Variants in CNTN4 observed in about 807,000 individuals in gnomAD.
CNTN4 encodes the protein contactin-4.
CNTN4 carries 77 observed loss-of-function variants against 122.5 expected under a neutral mutation model. That is an observed-to-expected ratio of 0.63 (90% confidence interval 0.52 to 0.76). CNTN4 has a LOEUF of 0.76. Among genes scored for constraint, CNTN4 ranks in the 30% least tolerant of loss-of-function variants. CNTN4 has a pLI of 0.00. For missense variants in CNTN4, 1,256 were observed against 1,259.1 expected (o/e 1.00, Z 0.04); for synonymous variants, 512 against 447.0 (o/e 1.15, Z -1.83).
chr3:2,870,965 C>T (rs2150876152), intron 8 of CNTN4, among the ~76,000 whole-genome samples: 1 of 152,242 alleles, frequency 6.6e-6, no homozygotes. Context: ...TGACCATTTA[C>T]CACTCACCCG....
chr3:2,942,413 G>C lies in CNTN4; in HGVS notation c.1358+16634G>C, dbSNP rs530668464. ...AGAAACATAATTAGTTATAATTATCGTGTTTATAAAATTAAAAACAATTGT... is the reference window on the plus strand; with the variant it reads ...AGAAACATAATTAGTTATAATTATCCTGTTTATAAAATTAAAAACAATTGT... On this transcript the variant is annotated intron_variant, in intron 13 of 24. Transcript: ENST00000418658. Among the ~76,000 whole-genome samples the C allele has an allele frequency of 2.0e-5, 3 of 152,148 alleles. No individual in the cohort carries two copies. The South Asian group carries it at 6.2e-4, about 32-fold the overall frequency.
At chr3:2,628,882 T>C (rs1285618322) in intron 4 of CNTN4, among the ~76,000 whole-genome samples, 4 of 152,210 alleles carry the variant, frequency 2.6e-5, no homozygotes, top group Non-Finnish European at 5.9e-5. Context: ...TTTTTGTTTG[T>C]TTTTTACTCA....
At chr3:2,529,061 G>T (rs2077502261) in intron 3 of CNTN4, among the ~76,000 whole-genome samples, 3 of 152,054 alleles carry the variant, frequency 2.0e-5, no homozygotes, top group Admixed American at 2.0e-4. Flanking sequence ...TATCCTATCT[G>T]CCTAGAATTT....
At position 2,478,396 on chromosome 3, in the gene CNTN4, C is replaced by T. The variant is rs576269741; in HGVS notation, c.-88-93020C>T. ...GTTCCGTGATACATAGTTGTCTTTT[C>T]TTTATCTGTTTGTTTTTTTTTTTTA... On this transcript the variant is annotated intron_variant, in intron 3 of 24. Transcript: ENST00000418658. Among the ~76,000 whole-genome samples the T allele has an allele frequency of 2.2e-3, 244 of 111,486 alleles. 1 individual carries two copies. The highest frequency in any genetic ancestry group is 8.3e-3 in the African/African-American group (239 of 28,676). The allele number at this position is 111,486 out of a possible 152,430, so 73.1% of individuals were successfully genotyped here. A position where few individuals can be genotyped will look rare whatever the true frequency, so the allele number is the denominator to read the frequency against.
At chr3:2,727,294 T>A (rs1450903743) in intron 4 of CNTN4, among the ~76,000 whole-genome samples, 1 of 152,230 alleles carries the variant, frequency 6.6e-6, no homozygotes, top group Non-Finnish European at 1.5e-5. Context: ...TCAAACGCAT[T>A]TCTAATTCTG....
At chr3:2,657,733 A>G (rs2083659495) in intron 4 of CNTN4, among the ~76,000 whole-genome samples, 1 of 152,140 alleles carries the variant, frequency 6.6e-6, no homozygotes, top group African/African-American at 2.4e-5. Context: ...AAAATGGCAT[A>G]TTGCAGTTAC....
At chr3:2,834,079 G>A (rs1390078859) in intron 7 of CNTN4, among the ~76,000 whole-genome samples, 1 of 151,954 alleles carries the variant, frequency 6.6e-6, no homozygotes, top group Non-Finnish European at 1.5e-5. Flanking sequence ...ACGGGAGGCA[G>A]AGGTTGCAGT....
Position 2,618,772 on chromosome 3 carries a change from T to A in CNTN4, c.55+47214T>A, listed in dbSNP as rs146762303. Among the ~76,000 whole-genome samples the A allele has an allele frequency of 2.4e-3, 373 of 152,302 alleles. 4 individuals carry two copies. Among genetic ancestry groups the A allele is most frequent in the African/African-American group, 8.6e-3 (359 of 41,570 alleles). Reference sequence around the variant, plus strand: ...TATCATTAGTGAAACCTACAATGTTTCATTCAGTGTTCCAATCTAATAAAA... The same window carrying A: ...TATCATTAGTGAAACCTACAATGTTACATTCAGTGTTCCAATCTAATAAAA... On this transcript the variant is annotated intron_variant, in intron 4 of 24. Coordinates refer to ENST00000418658, the MANE Select transcript of CNTN4 (RefSeq NM_175607.3).
At chr3:2,454,010 C>G (rs1559566280) in intron 3 of CNTN4, among the ~76,000 whole-genome samples, 1 of 151,410 alleles carries the variant, frequency 6.6e-6, no homozygotes, top group Non-Finnish European at 1.5e-5. Context: ...CATGGATATC[C>G]TCAGAATTCT....
intron 3 of CNTN4, among the ~76,000 whole-genome samples, chr3:2,376,273 G>A (rs2045812864): frequency 6.6e-6 from 1 of 152,020 alleles, no homozygotes; most frequent in South Asian, 2.1e-4. Context: ...TTAATTAAAT[G>A]GAATAATAAT....
intron 6 of CNTN4, among the ~76,000 whole-genome samples, chr3:2,804,558 T>C (rs1352001434): frequency 6.6e-6 from 1 of 152,172 alleles, no homozygotes; most frequent in Non-Finnish European, 1.5e-5. Context: ...TAGGAAGAAC[T>C]CAATAAATCT....
At chr3:2,113,386 G>A (rs755702375) in intron 2 of CNTN4, among the ~76,000 whole-genome samples, 24 of 152,128 alleles carry the variant, frequency 1.6e-4, no homozygotes, top group African/African-American at 1.2e-4. Flanking sequence ...GCCCATGGCC[G>A]TGTTGTAATT....
intron 14 of CNTN4, among the ~76,000 whole-genome samples, chr3:2,996,856 T>C (rs1695583992): frequency 6.6e-6 from 1 of 152,192 alleles, no homozygotes; most frequent in African/African-American, 2.4e-5. Flanking sequence ...AGGAAGTTGA[T>C]ATTAAAAAGC....
At chr3:3,039,067 T>C in intron 19 of CNTN4, 64 bp downstream of exon 19, 1 of 1,395,192 alleles carries the variant, frequency 7.2e-7, no homozygotes. Flanking sequence ...TTTTCCTCCA[T>C]GTTAGACATA....
At chr3:2,636,940 G>GTTTTT (rs34067643) in intron 4 of CNTN4, among the ~76,000 whole-genome samples, 23 of 95,100 alleles carry the variant, frequency 2.4e-4, no homozygotes, top group South Asian at 3.8e-4. Flanking sequence ...TTTTTTTTTG[G>GTTTTT]TTTTTTTTTT....
chr3:2,521,461 G>A (rs921891157), intron 3 of CNTN4, among the ~76,000 whole-genome samples: 2 of 149,894 alleles, frequency 1.3e-5, no homozygotes, highest in Non-Finnish European at 2.9e-5. Context: ...TTCTAGATAA[G>A]GGTACAGCCA....
At chr3:2,944,119 A>T (rs6794175) in intron 13 of CNTN4, among the ~76,000 whole-genome samples, 19,608 of 151,736 alleles carry the variant, frequency 0.13, 1,532 homozygotes, top group Non-Finnish European at 0.17. Flanking sequence ...TCACAAGCCA[A>T]GGTCATGGTT....
chr3:2,286,236 G>C (rs558087390), intron 2 of CNTN4, among the ~76,000 whole-genome samples: 56 of 136,544 alleles, frequency 4.1e-4, no homozygotes, highest in African/African-American at 4.7e-4. Flanking sequence ...TACACCCCCT[G>C]CCCCCCCCAC....
chr3:2,372,033 A>T (rs1575485349), intron 3 of CNTN4, among the ~76,000 whole-genome samples: 3 of 152,242 alleles, frequency 2.0e-5, no homozygotes, highest in Admixed American at 6.5e-5. Context: ...ATTTAAATAA[A>T]CAATCATCAT....
Sources: gnomAD v4.1 joint callset for allele counts (sites outside exome capture counted in the v4.1 genomes callset) on GRCh38, gnomAD v4.1.1 for gene constraint, MANE v1.5 for transcripts, NCBI Gene and HGNC (gene_info 2026-07-23, HGNC 2026-07-21) for gene names.